Variants in ARMC8 observed in about 807,000 individuals in gnomAD.
The protein encoded by ARMC8 is armadillo repeat containing 8.
A neutral mutation model predicts 99.3 loss-of-function variants in ARMC8; 20 were observed. The observed-to-expected ratio is 0.20, with a 90% CI of 0.14 to 0.29. ARMC8 has a LOEUF of 0.29. Among genes scored for constraint, ARMC8 ranks in the 10% least tolerant of loss-of-function variants. ARMC8 has a pLI of 1.00. For synonymous variants in ARMC8, 263 were observed against 278.3 expected, an observed-to-expected ratio of 0.95 and a Z score of 0.55; for missense variants, 569 against 809.5, an observed-to-expected ratio of 0.70 and a Z score of 3.60.
intron 2 of ARMC8, among the ~76,000 whole-genome samples, chr3:138,220,117 G>T (rs1204331370): frequency 1.3e-5 from 2 of 152,160 alleles, no homozygotes; most frequent in Non-Finnish European, 2.9e-5. Flanking sequence ...GAGAAAGGAA[G>T]ACAATGAAAG....
intron 1 of ARMC8, among the ~76,000 whole-genome samples, chr3:138,198,775 G>A (rs2043885387): frequency 6.6e-6 from 1 of 151,966 alleles, no homozygotes; most frequent in African/African-American, 2.4e-5. Flanking sequence ...GCCTCCCAAA[G>A]TGCTGGGATT....
rs1202120629 is a variant in ARMC8, at chr3:138,187,408, C to T, written c.-147C>T. The T allele has an allele frequency of 2.8e-6, 2 of 721,748 alleles. No individual in the cohort carries two copies. Among genetic ancestry groups the T allele is most frequent in the African/African-American group, 3.6e-5 (2 of 56,058 alleles). 44.7% of individuals were successfully genotyped at this position (721,748 alleles called of 1,614,324 possible). On this transcript the variant is annotated 5_prime_UTR_variant, in exon 1 of 22. Coordinates refer to ENST00000469044, the MANE Select transcript of ARMC8 (RefSeq NM_001363941.2). Reference sequence around the variant, plus strand: ...TTGCCCTTCTTTCTGCGGGCCTTTCCGGTACTTGAGCGGTGTCCAGAGCGT... The same window carrying T: ...TTGCCCTTCTTTCTGCGGGCCTTTCTGGTACTTGAGCGGTGTCCAGAGCGT...
chr3:138,279,409 A>T (rs1362896105), intron 18 of ARMC8, among the ~76,000 whole-genome samples: 1 of 152,142 alleles, frequency 6.6e-6, no homozygotes, highest in Admixed American at 6.5e-5. Context: ...TTTAGTCATT[A>T]TGTATTATCC....
At chr3:138,244,339 G>A (rs1033922853) in intron 11 of ARMC8, among the ~76,000 whole-genome samples, 6 of 151,912 alleles carry the variant, frequency 3.9e-5, no homozygotes, top group South Asian at 2.1e-4. Flanking sequence ...GTGCAGTGGC[G>A]CGATCTCGGC....
chr3:138,200,008 T>G (rs539226235), intron 1 of ARMC8, among the ~76,000 whole-genome samples: 38 of 152,316 alleles, frequency 2.5e-4, no homozygotes, highest in African/African-American at 8.4e-4. Context: ...TTGAGTTGTT[T>G]CAGTTTGTGG....
intron 15 of ARMC8, among the ~76,000 whole-genome samples, chr3:138,267,837 A>G (rs113560904): frequency 2.6e-5 from 4 of 152,340 alleles, no homozygotes; most frequent in African/African-American, 9.6e-5. Flanking sequence ...GATCTGCCCA[A>G]TTATGAACTC....
intron 1 of ARMC8, among the ~76,000 whole-genome samples, chr3:138,200,724 C>T (rs2044007088): frequency 2.0e-5 from 3 of 152,092 alleles, no homozygotes; most frequent in African/African-American, 7.2e-5. Flanking sequence ...TTCTCACCTC[C>T]ACTTCCATCT....
At chr3:138,272,894 A>G in intron 16 of ARMC8, 73 bp from the exon 17 acceptor site, 2 of 1,258,508 alleles carry the variant, frequency 1.6e-6, no homozygotes, top group East Asian at 2.8e-5. Context: ...AAAAATTACC[A>G]GAGTTACTAT....
intron 21 of ARMC8, among the ~76,000 whole-genome samples, chr3:138,294,246 A>G (rs1302245309): frequency 6.6e-6 from 1 of 152,154 alleles, no homozygotes; most frequent in Non-Finnish European, 1.5e-5. Context: ...TGATCCTTTG[A>G]CTTTCAGATG....
intron 1 of ARMC8, among the ~76,000 whole-genome samples, chr3:138,203,530 C>T (rs1421291353): frequency 2.6e-5 from 4 of 152,200 alleles, no homozygotes; most frequent in Non-Finnish European, 5.9e-5. Context: ...CTCCACGGGG[C>T]AGCTCCACAG....
chr3:138,207,514 T>A (rs1317124161), intron 1 of ARMC8, among the ~76,000 whole-genome samples: 1 of 152,206 alleles, frequency 6.6e-6, no homozygotes, highest in Non-Finnish European at 1.5e-5. Context: ...TGTGGAGCTA[T>A]AGACAGTAAA....
intron 10 of ARMC8, among the ~76,000 whole-genome samples, chr3:138,239,855 TTG>T (rs1467816343): frequency 6.6e-6 from 1 of 152,184 alleles, no homozygotes; most frequent in African/African-American, 2.4e-5. Flanking sequence ...GTCATTAAAT[TTG>T]TACTACAGTT....
Position 138,270,032 on chromosome 3 carries a change from A to G in ARMC8, c.1387-8A>G. The G allele has an allele frequency of 1.2e-6, 2 of 1,604,192 alleles. No individual in the cohort carries two copies. Among genetic ancestry groups the G allele is most frequent in the Non-Finnish European group, 1.7e-6 (2 of 1,171,870 alleles). Reference sequence around the variant, plus strand: ...GCTGTGATTTTTTTTTTCCCTGTCCAATGGCAGCCAATTTTGGAATCAGGA... The same window carrying G: ...GCTGTGATTTTTTTTTTCCCTGTCCGATGGCAGCCAATTTTGGAATCAGGA... On this transcript the variant is annotated splice_region_variant and splice_polypyrimidine_tract_variant and intron_variant, in intron 15 of 21. Transcript: ENST00000469044.
intron 19 of ARMC8, among the ~76,000 whole-genome samples, chr3:138,284,943 A>G (rs180779721): frequency 6.6e-6 from 1 of 152,354 alleles, no homozygotes; most frequent in Non-Finnish European, 1.5e-5. Context: ...TGCCATGGCC[A>G]TATCCTGCAT....
chr3:138,263,876 T>A (rs939453), intron 13 of ARMC8, 55 bp downstream of exon 13: 1 of 1,482,118 alleles, frequency 6.7e-7, no homozygotes, highest in Non-Finnish European at 9.4e-7. Flanking sequence ...TTAACCTGTT[T>A]CCTTTCTGGT....
chr3:138,246,693 T>A (rs1418305297), intron 12 of ARMC8: 1 of 983,344 alleles, frequency 1.0e-6, no homozygotes, highest in East Asian at 1.1e-4. Flanking sequence ...CTTTGTACTT[T>A]TTTGTTAATA....
At chr3:138,206,913 A>G (rs919849073) in intron 1 of ARMC8, among the ~76,000 whole-genome samples, 3 of 152,242 alleles carry the variant, frequency 2.0e-5, no homozygotes, top group Non-Finnish European at 4.4e-5. Context: ...CTTAAATGCA[A>G]GGCTCTGCCT....
intron 12 of ARMC8, among the ~76,000 whole-genome samples, chr3:138,249,144 T>C (rs74625244): frequency 6.6e-6 from 1 of 152,174 alleles, no homozygotes; most frequent in Non-Finnish European, 1.5e-5. Context: ...CACAGACAAA[T>C]GGATGAATGA....
chr3:138,235,169 AACAG>A, intron 7 of ARMC8, 55 bp downstream of exon 7: 1 of 1,194,390 alleles, frequency 8.4e-7, no homozygotes, highest in East Asian at 2.3e-5. Flanking sequence ...GATTTCTAGA[AACAG>A]ACCCACATAT....
Sources: allele counts gnomAD v4.1 joint callset (sites outside exome capture counted in the v4.1 genomes callset), GRCh38; gene constraint gnomAD v4.1.1; transcripts MANE v1.5; gene names NCBI Gene and HGNC (gene_info 2026-07-23, HGNC 2026-07-21).